LRP5: variants seen among roughly 807,000 people sequenced by gnomAD.
LRP5 encodes the protein LDL receptor related protein 5, also known as low-density lipoprotein receptor-related protein 5.
In LRP5, 62 loss-of-function variants were observed where a neutral mutation model predicts 154.1. The observed-to-expected ratio is 0.40, with a 90% CI of 0.33 to 0.50. The LOEUF (loss-of-function observed/expected upper bound fraction) is 0.50, where lower values mean the gene tolerates loss of function less well. Among genes scored for constraint, LRP5 ranks in the 20% least tolerant of loss-of-function variants. The pLI is 0.55. For synonymous variants in LRP5, 966 were observed against 1,011.5 expected (o/e 0.96, Z 0.85); for missense variants, 1,915 against 2,336.7 (o/e 0.82, Z 3.72).
At chr11:68,432,907 T>C (rs1335689831) in intron 17 of LRP5, among the ~76,000 whole-genome samples, 1 of 152,222 alleles carries the variant, frequency 6.6e-6, no homozygotes, top group Non-Finnish European at 1.5e-5. Flanking sequence ...ATGGCCTCCA[T>C]GGTCACACGT....
chr11:68,421,724 G>T (rs11825270), intron 13 of LRP5, among the ~76,000 whole-genome samples: 5 of 115,422 alleles, frequency 4.3e-5, no homozygotes, highest in East Asian at 2.5e-4. Flanking sequence ...GTGTGTGTGT[G>T]GTGTGTGTGT....
chr11:68,329,265 G>A (rs1237986439), intron 1 of LRP5, among the ~76,000 whole-genome samples: 1 of 152,214 alleles, frequency 6.6e-6, no homozygotes, highest in Non-Finnish European at 1.5e-5. Context: ...GCTAACATTT[G>A]TTGTGTATCA....
chr11:68,410,238 T>C (rs1178918877), intron 10 of LRP5, 98 bp downstream of exon 10: 2 of 987,184 alleles, frequency 2.0e-6, no homozygotes, highest in Non-Finnish European at 3.1e-6. Flanking sequence ...CGTGTGGCCC[T>C]CGGTGATTAG....
At chr11:68,350,089 C>G (rs919803472) in intron 2 of LRP5, among the ~76,000 whole-genome samples, 4 of 152,140 alleles carry the variant, frequency 2.6e-5, no homozygotes, top group Admixed American at 2.0e-4. Context: ...ATCTTCTTTG[C>G]GCAATGGCAC....
intron 5 of LRP5, among the ~76,000 whole-genome samples, chr11:68,373,165 G>C (rs1485618495): frequency 2.6e-5 from 4 of 152,098 alleles, no homozygotes; most frequent in Non-Finnish European, 5.9e-5. Flanking sequence ...CTGGGTGTCT[G>C]ACCGTTTATC....
At position 68,386,507 on chromosome 11, in the gene LRP5, G is replaced by T. The variant is rs2098643122; in HGVS notation, c.1207G>T (p.Asp403Tyr). ...GCGGGCCATCCGCAGGGCGTACCTG[G>T]ACGGGTCTGGGGCGCAGACGCTGGT... ...EVRAIRRAYLDGSGAQTLVNT... is the reference protein window; with the variant it reads ...EVRAIRRAYLYGSGAQTLVNT... The change falls in exon 6 of 23, where the codon GAC (aspartate) becomes TAC (tyrosine). Residue 403 changes from aspartate (D) to tyrosine (Y), a missense_variant. Physicochemically the swap from Asp to Tyr is radical, Grantham distance 160 (BLOSUM62 -3). Transcript: ENST00000294304. This position sits in a 1 kb window ranked among gnomAD's most constrained non-coding sequence, Gnocchi z 7.9. The T allele has an allele frequency of 6.2e-7, 1 of 1,614,076 alleles. No homozygotes were observed. Among genetic ancestry groups the T allele is most frequent in the Admixed American group, 1.7e-5 (1 of 60,032 alleles).
intron 1 of LRP5, among the ~76,000 whole-genome samples, chr11:68,335,831 G>A (rs749739170): frequency 2.0e-5 from 3 of 152,140 alleles, no homozygotes; most frequent in South Asian, 2.1e-4. Flanking sequence ...CTCGACAGCC[G>A]GAGCAAGAAG....
Position 68,386,703 on chromosome 11 carries a change from C to G in LRP5, c.1403C>G (p.Pro468Arg). The change falls in exon 6 of 23, where the codon CCC (proline) becomes CGC (arginine). Residue 468 changes from proline (P) to arginine (R), a missense_variant. By Grantham distance (103) the Pro-to-Arg change is moderately radical (BLOSUM62 -2). Transcript: ENST00000294304. This position sits in a 1 kb window ranked among gnomAD's most constrained non-coding sequence, Gnocchi z 7.9. ...LDEPRAIALH[P>R]VMGLMYWTDW... ...GAGCCCCGAGCCATCGCACTGCACC[C>G]CGTGATGGGGTAAGACGGGCGGGGG... 6.2e-7 allele frequency: 1 copy of G among 1,613,026 alleles called. No homozygotes were observed. The highest frequency in any genetic ancestry group is 8.5e-7 in the Non-Finnish European group (1 of 1,179,816).
At chr11:68,299,308 G>A in the LRP5 span, among the ~76,000 whole-genome samples, 1 of 152,196 alleles carries the variant, frequency 6.6e-6, no homozygotes. Context: ...TGCTGGGAGA[G>A]GAGTAGCAGC....
chr11:68,320,000 A>G (rs992103895), intron 1 of LRP5, among the ~76,000 whole-genome samples: 1 of 152,130 alleles, frequency 6.6e-6, no homozygotes, highest in African/African-American at 2.4e-5. Flanking sequence ...TGTCTACAAA[A>G]AATTTAAAAA....
At chr11:68,371,904 A>C (rs1254820582) in intron 5 of LRP5, among the ~76,000 whole-genome samples, 1 of 152,206 alleles carries the variant, frequency 6.6e-6, no homozygotes, top group African/African-American at 2.4e-5. Context: ...TTGGGCAGTG[A>C]AATTCAGAGT....
rs771096362 is a variant in LRP5, at chr11:68,438,540, T to C, written c.4206T>C (p.Gly1402=). 6.2e-7 allele frequency: 1 copy of C among 1,614,170 alleles called. No homozygotes were observed. ...GIILSLFVMG[G]VYFVCQRVVC... ...TCCTCTCTCTCTTCGTCATGGGTGG[T>C]GTCTATTTTGTGTGCCAGCGCGTGG... Residue 1402 remains glycine, a synonymous_variant, in exon 20 of 23, where the codon GGT becomes GGC. Transcript: ENST00000294304.
At chr11:68,374,256 G>T (rs531159778) in intron 5 of LRP5, among the ~76,000 whole-genome samples, 1 of 152,344 alleles carries the variant, frequency 6.6e-6, no homozygotes, top group South Asian at 2.1e-4. Flanking sequence ...AGGAAGCAGG[G>T]CCCGCTCAGC....
intron 5 of LRP5, among the ~76,000 whole-genome samples, chr11:68,376,834 A>G (rs1035913692): frequency 4.6e-5 from 7 of 152,122 alleles, no homozygotes; most frequent in Non-Finnish European, 8.8e-5. Context: ...CATTTAAGTC[A>G]CCAACTGTTT....
intron 1 of LRP5, among the ~76,000 whole-genome samples, chr11:68,317,566 G>T (rs559248525): frequency 1.2e-3 from 182 of 152,336 alleles, no homozygotes; most frequent in African/African-American, 4.2e-3. Flanking sequence ...GGTTGGGGGT[G>T]GGGGGAGCTC....
chr11:68,328,444 C>G (rs899923562), intron 1 of LRP5, among the ~76,000 whole-genome samples: 2 of 152,228 alleles, frequency 1.3e-5, no homozygotes, highest in Non-Finnish European at 2.9e-5. Context: ...GTTCTGAGCT[C>G]GGTCCTCCAG....
intron 7 of LRP5, among the ~76,000 whole-genome samples, chr11:68,401,308 TCATTGCACACCGGAG>T (rs1311153239): frequency 2.0e-5 from 3 of 152,182 alleles, no homozygotes; most frequent in African/African-American, 7.2e-5. Context: ...CACCTGCTGT[TCATTGCACACCGGAG>T]CATCCAGGCA....
chr11:68,365,716 A>AC lies in LRP5; in HGVS notation c.1015+15dup. On this transcript the variant is annotated intron_variant, in intron 5 of 22. Transcript: ENST00000294304. ...CGTGTAAGGCAGGTGAGGCGGTGGG[A>AC]CGGGACGGGGCGGGCGGGCGGGGCG... The AC allele has an allele frequency of 8.7e-6, 1 of 114,356 alleles. No individual in the cohort carries two copies. Among genetic ancestry groups the AC allele is most frequent in the South Asian group, 7.5e-5 (1 of 13,356 alleles). 7.1% of individuals were successfully genotyped at this position (114,356 alleles called of 1,614,324 possible). A position where few individuals can be genotyped will look rare whatever the true frequency, so the allele number is the denominator to read the frequency against.
chr11:68,321,235 C>G (rs866653510), intron 1 of LRP5, among the ~76,000 whole-genome samples: 2 of 152,098 alleles, frequency 1.3e-5, no homozygotes, highest in South Asian at 2.1e-4. Flanking sequence ...TCACTGTGCT[C>G]CACTGCCTGT....
Sources: allele counts gnomAD v4.1 joint callset (sites outside exome capture counted in the v4.1 genomes callset), GRCh38; gene constraint gnomAD v4.1.1; non-coding constraint Gnocchi (gnomAD v3.1); transcripts MANE v1.5; gene names NCBI Gene and HGNC (gene_info 2026-07-23, HGNC 2026-07-21).